The following BAIAP2L1 variants were observed in gnomAD, a reference collection of about 807,000 sequenced individuals.
BAIAP2L1 encodes the protein BAR/IMD domain-containing adapter protein 2-like 1.
BAIAP2L1 carries 35 observed loss-of-function variants against 66.3 expected under a neutral mutation model. That is an observed-to-expected ratio of 0.53 (90% confidence interval 0.40 to 0.70). BAIAP2L1 has a LOEUF of 0.70. Ranked by LOEUF, BAIAP2L1 falls within the 30% of genes least tolerant of loss-of-function variation. The pLI, the probability that BAIAP2L1 is intolerant of heterozygous loss-of-function variation, is 0.00. For synonymous variants in BAIAP2L1, 269 were observed against 248.7 expected (o/e 1.08, Z -0.77); for missense variants, 622 against 656.9 (o/e 0.95, Z 0.58).
chr7:98,320,182 A>AGGGTTT, intron 4 of BAIAP2L1, 53 bp from the exon 5 acceptor site: 1 of 1,590,118 alleles, frequency 6.3e-7, no homozygotes, highest in South Asian at 1.1e-5. Flanking sequence ...TAAGCAAAAT[A>AGGGTTT]AGTTCTAAAA....
intron 3 of BAIAP2L1, among the ~76,000 whole-genome samples, chr7:98,328,396 C>T (rs575040066): frequency 6.6e-6 from 1 of 152,270 alleles, no homozygotes; most frequent in African/African-American, 2.4e-5. Flanking sequence ...CCTGTGCATC[C>T]CCGGGAAGTT....
chr7:98,334,760 G>A (rs562087268), intron 3 of BAIAP2L1, among the ~76,000 whole-genome samples: 19 of 151,660 alleles, frequency 1.3e-4, no homozygotes, highest in African/African-American at 4.6e-4. Flanking sequence ...TGGTCAGGCT[G>A]GTCTCGAACT....
At chr7:98,306,817 CCT>C (rs1281743399) in intron 10 of BAIAP2L1, 3 of 384,464 alleles carry the variant, frequency 7.8e-6, no homozygotes, top group Non-Finnish European at 1.5e-5. Context: ...AAGCAATCCC[CCT>C]GCCTCAGCAT....
At chr7:98,316,239 C>T (rs780888520) in intron 6 of BAIAP2L1, among the ~76,000 whole-genome samples, 4 of 152,032 alleles carry the variant, frequency 2.6e-5, no homozygotes, top group Admixed American at 1.3e-4. Flanking sequence ...GAGGCCTCCC[C>T]GGCCATGTGG....
Position 98,317,339 on chromosome 7 carries a change from G to C in BAIAP2L1, c.366C>G (p.Tyr122Ter), listed in dbSNP as rs202000281. ...VKYMNATLKR[Y>*]QTEHKNKLES... ...CTAATTTATTCTTGTGTTCTGTTTG[G>C]TATCTTTTTAGAGTTGCCTGTAAGT... is the stretch of plus-strand genomic sequence containing the variant. The change falls in exon 6 of 14, where the codon TAC (tyrosine) becomes TAG (stop). Residue 122 changes from tyrosine (Y) to a stop codon, truncating the protein, a stop_gained. Transcript: ENST00000005260. LOFTEE classifies it high-confidence loss of function. 4 of 1,613,800 alleles carry C rather than the reference G, an allele frequency of 2.5e-6. No homozygotes were observed. Among genetic ancestry groups the C allele is most frequent in the Non-Finnish European group, 3.4e-6 (4 of 1,179,996 alleles).
chr7:98,308,204 G>A (rs747069666), intron 9 of BAIAP2L1: 5 of 548,502 alleles, frequency 9.1e-6, no homozygotes, highest in South Asian at 7.6e-5. Context: ...GCTTTAGCCA[G>A]GATGGCTCTT....
At chr7:98,306,830 C>A (rs891226435) in intron 10 of BAIAP2L1, 3 of 366,876 alleles carry the variant, frequency 8.2e-6, no homozygotes, top group Non-Finnish European at 1.5e-5. Flanking sequence ...GCCTCAGCAT[C>A]CGAGTAGCTG....
intron 11 of BAIAP2L1, among the ~76,000 whole-genome samples, chr7:98,306,154 C>G (rs1196036683): frequency 6.6e-6 from 1 of 152,084 alleles, no homozygotes; most frequent in African/African-American, 2.4e-5. Context: ...AAACACATGG[C>G]TTGGGTTTAG....
At chr7:98,392,266 A>C (rs1259620862) in intron 1 of BAIAP2L1, among the ~76,000 whole-genome samples, 4 of 151,528 alleles carry the variant, frequency 2.6e-5, no homozygotes, top group Non-Finnish European at 2.9e-5. Flanking sequence ...AATCGCTTGA[A>C]CCTGGGAGGC....
chr7:98,381,872 T>A (rs1802767433), intron 1 of BAIAP2L1, among the ~76,000 whole-genome samples: 2 of 151,536 alleles, frequency 1.3e-5, no homozygotes, highest in South Asian at 4.2e-4. Flanking sequence ...ATCAAGCCCG[T>A]TAAGAAAATT....
rs1803354472 is a variant in BAIAP2L1, at chr7:98,400,875, A to G, written c.-23T>C. 2 of 1,535,186 alleles carry G rather than the reference A, an allele frequency of 1.3e-6. No individual in the cohort carries two copies. Among genetic ancestry groups the G allele is most frequent in the Non-Finnish European group, 1.8e-6 (2 of 1,140,068 alleles). On this transcript the variant is annotated 5_prime_UTR_variant, in exon 1 of 14. Transcript: ENST00000005260. ...CATGGCTGCGGCCGCCGGGCGAGCA[A>G]GCGCGGGAGGACGCGGCTGGGCCTC...
At chr7:98,369,348 C>T (rs576434106) in intron 1 of BAIAP2L1, among the ~76,000 whole-genome samples, 32 of 152,098 alleles carry the variant, frequency 2.1e-4, no homozygotes, top group African/African-American at 7.5e-4. Context: ...CTGGGCACGG[C>T]GGTGGGTGCC....
At chr7:98,373,783 T>A (rs942890028) in intron 1 of BAIAP2L1, among the ~76,000 whole-genome samples, 2 of 152,138 alleles carry the variant, frequency 1.3e-5, no homozygotes, top group Admixed American at 1.3e-4. Context: ...AGAGGAACAC[T>A]CCTATTTACA....
chr7:98,299,005 T>C (rs528900802), intron 12 of BAIAP2L1, among the ~76,000 whole-genome samples: 1 of 152,108 alleles, frequency 6.6e-6, no homozygotes, highest in East Asian at 1.9e-4. Context: ...CCTGACTTTT[T>C]AATTTTCTGT....
At chr7:98,294,177 G>A in intron 12 of BAIAP2L1, 66 bp from the exon 13 acceptor site, 3 of 1,542,182 alleles carry the variant, frequency 1.9e-6, no homozygotes, top group Non-Finnish European at 2.7e-6. Flanking sequence ...ATTTTAGGTA[G>A]AGATGGGGAT....
chr7:98,297,683 A>C (rs1180557844), intron 12 of BAIAP2L1, among the ~76,000 whole-genome samples: 1 of 152,144 alleles, frequency 6.6e-6, no homozygotes, highest in African/African-American at 2.4e-5. Context: ...GCTGAGGCCC[A>C]AACAGGGAAA....
chr7:98,399,401 A>G (rs1003257623), intron 1 of BAIAP2L1, among the ~76,000 whole-genome samples: 4 of 152,226 alleles, frequency 2.6e-5, no homozygotes, highest in African/African-American at 9.6e-5. Context: ...TCATTCAACA[A>G]AAGTTAATAG....
chr7:98,316,050 C>T (rs1801067605), intron 6 of BAIAP2L1, among the ~76,000 whole-genome samples: 1 of 152,088 alleles, frequency 6.6e-6, no homozygotes, highest in South Asian at 2.1e-4. Flanking sequence ...GGGGAGGGAC[C>T]TGGTGGGAGG....
At position 98,292,331 on chromosome 7, in the gene BAIAP2L1, C is replaced by T. The variant is rs756757169; in HGVS notation, c.*1190G>A. 73 of 357,504 alleles carry T rather than the reference C, an allele frequency of 2.0e-4. No individual in the cohort carries two copies. The highest frequency in any genetic ancestry group is 8.5e-4 in the Middle Eastern group (1 of 1,174). The allele number at this position is 357,504 out of a possible 1,614,324, so 22.1% of individuals were successfully genotyped here. On this transcript the variant is annotated 3_prime_UTR_variant, in exon 14 of 14. Coordinates refer to ENST00000005260, the MANE Select transcript of BAIAP2L1 (RefSeq NM_018842.5). Reference sequence around the variant, plus strand: ...CTGCCTCCCGGGTTCAAGTGATTCTCCTGCCTCAGCCTCCTGAGTGGCGCC... The same window carrying T: ...CTGCCTCCCGGGTTCAAGTGATTCTTCTGCCTCAGCCTCCTGAGTGGCGCC...
Sources: allele counts gnomAD v4.1 joint callset (sites outside exome capture counted in the v4.1 genomes callset), GRCh38; gene constraint gnomAD v4.1.1; transcripts MANE v1.5; gene names NCBI Gene and HGNC (gene_info 2026-07-23, HGNC 2026-07-21).